BICD1: variants seen among roughly 807,000 people sequenced by gnomAD.
The protein encoded by BICD1 is protein bicaudal D homolog 1.
In BICD1, 35 loss-of-function variants were observed where a neutral mutation model predicts 92.5. That is an observed-to-expected ratio of 0.38 (90% CI 0.29 to 0.50). The LOEUF is 0.50. Among genes scored for constraint, BICD1 ranks in the 20% least tolerant of loss-of-function variants. The probability of loss-of-function intolerance (pLI) is 0.93; values close to 1 mark genes in which losing one functional copy is unlikely to be tolerated. For synonymous variants in BICD1, 429 were observed against 465.1 expected (o/e 0.92, Z 1.00); for missense variants, 950 against 1,189.8 (o/e 0.80, Z 2.97).
rs1046732326 is a variant in BICD1 at position 32,381,118 on chromosome 12, G to C, written c.*3491G>C. On this transcript the variant is annotated 3_prime_UTR_variant, in exon 10 of 10. Transcript: ENST00000652176. ...TTTAAAATACATTAAAATTTTACTG[G>C]TTAATCATAAAATATTTTATATTTG... The C allele has an allele frequency of 1.3e-5, 2 of 151,820 alleles. No homozygotes were observed. Among genetic ancestry groups the C allele is most frequent in the African/African-American group, 4.8e-5 (2 of 41,354 alleles). The allele number at this position is 151,820 out of a possible 1,614,324, so 9.4% of individuals were successfully genotyped here. A position where few individuals can be genotyped will look rare whatever the true frequency, so the allele number is the denominator to read the frequency against.
intron 2 of BICD1, among the ~76,000 whole-genome samples, chr12:32,230,443 TAAGCA>T (rs1270626460): frequency 1.7e-4 from 6 of 35,142 alleles, no homozygotes; most frequent in African/African-American, 7.3e-4. Context: ...AATAAATAAA[TAAGCA>T]AGCAAATAAA....
At chr12:32,281,386 A>G (rs1292836762) in intron 2 of BICD1, among the ~76,000 whole-genome samples, 4 of 152,268 alleles carry the variant, frequency 2.6e-5, no homozygotes, top group Admixed American at 6.5e-5. Flanking sequence ...TGATGCATAC[A>G]TTACTGCCCA....
chr12:32,132,415 CAAA>C (rs34771538), intron 1 of BICD1, among the ~76,000 whole-genome samples: 10 of 109,346 alleles, frequency 9.1e-5, no homozygotes, highest in Non-Finnish European at 7.0e-5. Flanking sequence ...GACTCTGTCT[CAAA>C]AAAAAAAAAA....
intron 1 of BICD1, among the ~76,000 whole-genome samples, chr12:32,152,790 GATA>G (rs1162233150): frequency 6.6e-6 from 1 of 152,098 alleles, no homozygotes; most frequent in Non-Finnish European, 1.5e-5. Context: ...TACTTAATAT[GATA>G]ATAATATAGT....
chr12:32,246,058 A>G (rs1206517140), intron 2 of BICD1, among the ~76,000 whole-genome samples: 1 of 145,236 alleles, frequency 6.9e-6, no homozygotes, highest in Non-Finnish European at 1.5e-5. Flanking sequence ...AAAAAAAGGA[A>G]AAAGGATGAA....
intron 1 of BICD1, among the ~76,000 whole-genome samples, chr12:32,160,314 A>G (rs1319224970): frequency 6.6e-6 from 1 of 152,326 alleles, no homozygotes; most frequent in East Asian, 1.9e-4. Context: ...TGTTTTGACA[A>G]GATGTTTATA....
chr12:32,128,199 C>T (rs975605073), intron 1 of BICD1, among the ~76,000 whole-genome samples: 2 of 152,200 alleles, frequency 1.3e-5, no homozygotes, highest in African/African-American at 4.8e-5. Flanking sequence ...CCACCGCACC[C>T]GGCCTGAGCT....
At position 32,381,004 on chromosome 12, in the gene BICD1, TTGG is replaced by T. The variant is rs1940157008; in HGVS notation, c.*3382_*3384del. ...TTTGTTTTGTAAAAATTGAATATCA[TTGG>T]TGGTCTAGTAAGTATTAAGTGGCAA... On this transcript the variant is annotated 3_prime_UTR_variant, in exon 10 of 10. Transcript: ENST00000652176. 1 of 152,052 alleles carries T rather than the reference TTGG, an allele frequency of 6.6e-6. No homozygotes were observed. The highest frequency in any genetic ancestry group is 1.5e-5 in the Non-Finnish European group (1 of 67,942). 9.4% of individuals were successfully genotyped at this position (152,052 alleles called of 1,614,324 possible).
chr12:32,253,980 C>CGTATCCCACCTGCCACATTCATTGCG, intron 2 of BICD1, among the ~76,000 whole-genome samples: 1 of 147,016 alleles, frequency 6.8e-6, no homozygotes, highest in East Asian at 2.0e-4. Context: ...TAATCACTGC[C>CGTATCCCACCTGCCACATTCATTGCG]GTATCCCACC....
At chr12:32,258,634 A>G (rs1946778572) in intron 2 of BICD1, among the ~76,000 whole-genome samples, 1 of 152,096 alleles carries the variant, frequency 6.6e-6, no homozygotes, top group Non-Finnish European at 1.5e-5. Flanking sequence ...AGGGTGAGTC[A>G]TCCAAGTGAT....
intron 1 of BICD1, among the ~76,000 whole-genome samples, chr12:32,194,016 G>A (rs775468371): frequency 6.6e-6 from 1 of 152,148 alleles, no homozygotes; most frequent in African/African-American, 2.4e-5. Flanking sequence ...TCAATGAAAT[G>A]TATCTCTGAG....
intron 1 of BICD1, among the ~76,000 whole-genome samples, chr12:32,129,293 G>A (rs1441165884): frequency 6.0e-5 from 9 of 151,208 alleles, no homozygotes; most frequent in Non-Finnish European, 4.4e-5. Context: ...GGGAGTCCAG[G>A]CAGACGGATC....
chr12:32,244,229 G>A (rs1330911960), intron 2 of BICD1, among the ~76,000 whole-genome samples: 5 of 152,238 alleles, frequency 3.3e-5, no homozygotes, highest in Admixed American at 6.5e-5. Context: ...GGCCTAAAAC[G>A]TTCCAATCTA....
intron 8 of BICD1, among the ~76,000 whole-genome samples, chr12:32,366,076 C>T (rs745931485): frequency 6.6e-6 from 1 of 152,172 alleles, no homozygotes; most frequent in Non-Finnish European, 1.5e-5. Context: ...CTTGAGTGAA[C>T]AAAAATCAAG....
At position 32,371,002 on chromosome 12, in the gene BICD1, G is replaced by C. The variant is rs375198110; in HGVS notation, c.2840+3257G>C. ...TTTCCATTAAGTAGGAAATGGAAAG[G>C]CTGGCAGGAGATTTTTTTAACTTTT... is the stretch of plus-strand genomic sequence containing the variant. On this transcript the variant is annotated intron_variant, in intron 9 of 9. Coordinates refer to ENST00000652176, the MANE Select transcript of BICD1 (RefSeq NM_001714.4). Among the ~76,000 whole-genome samples the C allele has an allele frequency of 4.1e-5, 6 of 148,128 alleles. No individual in the cohort carries two copies. In the East Asian group the frequency reaches 1.2e-3, roughly 30 times the overall value.
At chr12:32,202,296 A>AG (rs1327102771) in intron 1 of BICD1, among the ~76,000 whole-genome samples, 1 of 152,198 alleles carries the variant, frequency 6.6e-6, no homozygotes, top group Non-Finnish European at 1.5e-5. Flanking sequence ...CAGGACTTCA[A>AG]GGGGCCCAGT....
At chr12:32,370,355 AAAAG>A (rs1305330005) in intron 9 of BICD1, among the ~76,000 whole-genome samples, 7 of 147,836 alleles carry the variant, frequency 4.7e-5, no homozygotes, top group African/African-American at 1.6e-4. Flanking sequence ...GACAGAGCAA[AAAAG>A]AAAAAAAAAA....
At chr12:32,302,495 T>C (rs1336573965) in intron 3 of BICD1, among the ~76,000 whole-genome samples, 1 of 152,206 alleles carries the variant, frequency 6.6e-6, no homozygotes. Context: ...GTCAAGTTAT[T>C]AGGTGTCCCA....
chr12:32,345,798 TG>T (rs1438376360), intron 8 of BICD1, among the ~76,000 whole-genome samples: 7 of 152,210 alleles, frequency 4.6e-5, no homozygotes, highest in Non-Finnish European at 1.0e-4. Context: ...AATAGAAATA[TG>T]ATATAAACCA....
Sources: allele counts gnomAD v4.1 joint callset (sites outside exome capture counted in the v4.1 genomes callset), GRCh38; gene constraint gnomAD v4.1.1; transcripts MANE v1.5; gene names NCBI Gene and HGNC (gene_info 2026-07-23, HGNC 2026-07-21).